The following RNF122 variants were observed in gnomAD, a reference collection of about 807,000 sequenced individuals.
The protein encoded by RNF122 is ring finger protein 122.
Under a neutral mutation model 24.2 loss-of-function variants are expected in RNF122, and 17 were observed. The observed-to-expected ratio is 0.70, with a 90% confidence interval of 0.48 to 1.06. The LOEUF is 1.06. Among genes scored for constraint, RNF122 ranks in the 50% least tolerant of loss-of-function variants. RNF122 has a pLI of 0.00. For missense variants in RNF122, 168 were observed against 198.1 expected, an observed-to-expected ratio of 0.85 and a Z score of 0.91; for synonymous variants, 65 against 71.8, an observed-to-expected ratio of 0.91 and a Z score of 0.48.
intron 2 of RNF122, among the ~76,000 whole-genome samples, chr8:33,557,469 A>C (rs971172995): frequency 2.0e-5 from 3 of 152,034 alleles, no homozygotes; most frequent in African/African-American, 7.2e-5. Flanking sequence ...GTCTCTACTA[A>C]AAATACAAAA....
At chr8:33,551,227 G>A (rs1739951809) in intron 3 of RNF122, 117 bp downstream of exon 3, 3 of 1,461,416 alleles carry the variant, frequency 2.1e-6, no homozygotes, top group Non-Finnish European at 2.9e-6. Flanking sequence ...GCCTCAGGGA[G>A]ACCCAGAGGT....
chr8:33,550,057 C>T (rs930347940), intron 4 of RNF122, among the ~76,000 whole-genome samples: 18 of 152,086 alleles, frequency 1.2e-4, no homozygotes, highest in African/African-American at 2.2e-4. Flanking sequence ...CCTCAGCCTC[C>T]CAAGTAACTG....
At chr8:33,549,230 AAG>A (rs1810334431) in intron 5 of RNF122, among the ~76,000 whole-genome samples, 178 bp downstream of exon 5, 1 of 152,010 alleles carries the variant, frequency 6.6e-6, no homozygotes, top group Admixed American at 6.6e-5. Context: ...TCAAAAAAAA[AAG>A]AAGAATATCC....
rs2128839097 is a variant in RNF122, at chr8:33,554,420, T to C, written c.183-3031A>G. 1.3e-5 allele frequency among the ~76,000 whole-genome samples: 2 copies of C among 152,316 alleles called. 1 individual carries two copies. The highest frequency in any genetic ancestry group is 4.1e-4 in the South Asian group (2 of 4,820). Reference sequence around the variant, plus strand: ...TAGAGTACCACTTCCCCACCCATCATGCCTCTTGTCTGGCTGGATCCTTTA... The same window carrying C: ...TAGAGTACCACTTCCCCACCCATCACGCCTCTTGTCTGGCTGGATCCTTTA... On this transcript the variant is annotated intron_variant, in intron 2 of 5. Coordinates refer to ENST00000256257, the MANE Select transcript of RNF122 (RefSeq NM_024787.3).
At chr8:33,551,518 G>T in intron 2 of RNF122, 129 bp from the exon 3 acceptor site, 2 of 859,772 alleles carry the variant, frequency 2.3e-6, no homozygotes, top group Non-Finnish European at 3.9e-6. Flanking sequence ...ACACCACAGG[G>T]CATACTTTGG....
chr8:33,565,984 G>A (rs1810616913), intron 1 of RNF122, among the ~76,000 whole-genome samples: 1 of 152,180 alleles, frequency 6.6e-6, no homozygotes, highest in African/African-American at 2.4e-5. Context: ...CTCCCAAGTA[G>A]CTGGGCTTAC....
At chr8:33,551,738 T>C (rs1810378739) in intron 2 of RNF122, among the ~76,000 whole-genome samples, 1 of 152,164 alleles carries the variant, frequency 6.6e-6, no homozygotes, top group Admixed American at 6.5e-5. Context: ...GTTTACTGAG[T>C]GTGCGGAAGT....
At chr8:33,556,669 T>C (rs1286034142) in intron 2 of RNF122, among the ~76,000 whole-genome samples, 1 of 152,014 alleles carries the variant, frequency 6.6e-6, no homozygotes, top group East Asian at 1.9e-4. Context: ...AAAAACAGGC[T>C]TCAGGAAAGG....
chr8:33,553,984 CT>C (rs1277009747), intron 2 of RNF122, among the ~76,000 whole-genome samples: 1 of 152,362 alleles, frequency 6.6e-6, no homozygotes, highest in Admixed American at 6.5e-5. Flanking sequence ...GGCTAAAGGC[CT>C]AACCAAGGCT....
chr8:33,559,883 C>A (rs1810514484), intron 1 of RNF122, among the ~76,000 whole-genome samples: 2 of 151,040 alleles, frequency 1.3e-5, no homozygotes, highest in South Asian at 4.2e-4. Context: ...GCTCTGTCAC[C>A]CAGGCTGGAG....
intron 1 of RNF122, among the ~76,000 whole-genome samples, chr8:33,559,072 A>G (rs1206203670): frequency 2.6e-5 from 4 of 152,150 alleles, no homozygotes; most frequent in Non-Finnish European, 5.9e-5. Flanking sequence ...GGAGAGGCTG[A>G]GGCAGGTGAT....
At chr8:33,549,282 G>A (rs1257804449) in intron 5 of RNF122, 128 bp downstream of exon 5, 2 of 756,566 alleles carry the variant, frequency 2.6e-6, no homozygotes, top group East Asian at 5.0e-5. Flanking sequence ...GCTTTGCTCG[G>A]TGTTCACGTA....
chr8:33,553,523 T>C (rs1014172161), intron 2 of RNF122, among the ~76,000 whole-genome samples: 4 of 151,618 alleles, frequency 2.6e-5, no homozygotes, highest in African/African-American at 7.3e-5. Flanking sequence ...TGAGCTAGGA[T>C]TGCCCCCACT....
At chr8:33,557,892 T>C (rs887576147) in intron 2 of RNF122, among the ~76,000 whole-genome samples, 3 of 152,006 alleles carry the variant, frequency 2.0e-5, no homozygotes, top group Non-Finnish European at 4.4e-5. Context: ...CCTGCAATCC[T>C]AGCATTTTGG....
intron 2 of RNF122, among the ~76,000 whole-genome samples, chr8:33,553,425 A>T (rs921820183): frequency 2.6e-5 from 4 of 152,120 alleles, no homozygotes; most frequent in Non-Finnish European, 1.5e-5. Context: ...AAAATTAGCC[A>T]GGTATGATGG....
chr8:33,566,844 G>A lies in RNF122; in HGVS notation c.-121C>T, dbSNP rs907884550. Reference sequence around the variant, plus strand: ...GGGGTCGGGGCAGCGCGCTGCAGCCGCCCTGCTGGAGAAGCCGAACTCCCT... The same window carrying A: ...GGGGTCGGGGCAGCGCGCTGCAGCCACCCTGCTGGAGAAGCCGAACTCCCT... On this transcript the variant is annotated 5_prime_UTR_variant, in exon 1 of 6. Coordinates refer to ENST00000256257, the MANE Select transcript of RNF122 (RefSeq NM_024787.3). The A allele has an allele frequency of 4.9e-5, 57 of 1,168,492 alleles. No homozygotes were observed. Among genetic ancestry groups the A allele is most frequent in the Non-Finnish European group, 7.1e-5 (57 of 804,284 alleles). The allele number at this position is 1,168,492 out of a possible 1,614,324, so 72.4% of individuals were successfully genotyped here. A position where few individuals can be genotyped will look rare whatever the true frequency, so the allele number is the denominator to read the frequency against.
At chr8:33,562,304 G>A (rs890650589) in intron 1 of RNF122, among the ~76,000 whole-genome samples, 1 of 152,076 alleles carries the variant, frequency 6.6e-6, no homozygotes, top group Non-Finnish European at 1.5e-5. Flanking sequence ...GGGAGGCTGA[G>A]GCAGGAGGAC....
rs1183796982 is a variant in RNF122 at position 33,551,068 on chromosome 8, A to G, written c.246T>C (p.Asp82=). 1 of 1,614,108 alleles carries G rather than the reference A, an allele frequency of 6.2e-7. No individual in the cohort carries two copies. The highest frequency in any genetic ancestry group is 1.1e-5 in the South Asian group (1 of 91,086). The stretch of plus-strand genomic sequence containing the variant: ...CCCCATATAATTGTAACTTCTTGGC[A>G]TCACCTTTAAGCACCACCTGAAAAG... ...YGYKEVVLKG[D]AKKLQLYGQT... The change falls in exon 4 of 6, where the codon GAT becomes GAC. Residue 82 remains aspartate (D), a synonymous_variant. Coordinates refer to ENST00000256257, the MANE Select transcript of RNF122 (RefSeq NM_024787.3).
chr8:33,565,825 G>A (rs544345125), intron 1 of RNF122, among the ~76,000 whole-genome samples: 2 of 152,274 alleles, frequency 1.3e-5, no homozygotes, highest in African/African-American at 4.8e-5. Flanking sequence ...AGCCGGGCGC[G>A]GAGCTCTCTG....
Sources: gnomAD v4.1 joint callset for allele counts (sites outside exome capture counted in the v4.1 genomes callset) on GRCh38, gnomAD v4.1.1 for gene constraint, MANE v1.5 for transcripts, NCBI Gene and HGNC (gene_info 2026-07-23, HGNC 2026-07-21) for gene names.